Variants in ARB2A observed in about 807,000 individuals in gnomAD.
ARB2A encodes cotranscriptional regulator ARB2A.
chr5:94,079,399 A>G, the ARB2A span, among the ~76,000 whole-genome samples: 4 of 152,166 alleles, frequency 2.6e-5, no homozygotes, highest in Non-Finnish European at 5.9e-5. Context: ...TGTCAGGGGT[A>G]GGCATTTTAT....
the ARB2A span, among the ~76,000 whole-genome samples, chr5:93,880,191 T>C: frequency 1.3e-5 from 2 of 151,968 alleles, no homozygotes; most frequent in Admixed American, 1.3e-4. Flanking sequence ...CTTGATTCAC[T>C]ATATGAGCTG....
the ARB2A span, among the ~76,000 whole-genome samples, chr5:94,104,960 A>G: frequency 3.6e-4 from 55 of 151,988 alleles, no homozygotes; most frequent in East Asian, 0.01. Flanking sequence ...TGTGTTAAAA[A>G]TTTTCAACAA....
the ARB2A span, among the ~76,000 whole-genome samples, chr5:93,914,775 A>T: frequency 2.6e-5 from 4 of 151,908 alleles, no homozygotes; most frequent in African/African-American, 9.7e-5. Flanking sequence ...TATTCTGAAT[A>T]ACTGAGGGTT....
chr5:93,853,031 T>C, the ARB2A span, among the ~76,000 whole-genome samples: 1 of 152,238 alleles, frequency 6.6e-6, no homozygotes, highest in Non-Finnish European at 1.5e-5. Context: ...GCATTGGATC[T>C]ATAAATTACC....
At chr5:93,817,086 A>AC in the ARB2A span, among the ~76,000 whole-genome samples, 8 of 143,750 alleles carry the variant, frequency 5.6e-5, no homozygotes, top group East Asian at 7.8e-4. Context: ...GAATACACAC[A>AC]AACACACACA....
chr5:93,952,145 A>C, the ARB2A span, among the ~76,000 whole-genome samples: 1 of 152,256 alleles, frequency 6.6e-6, no homozygotes, highest in African/African-American at 2.4e-5. Context: ...TAAAATGTAC[A>C]TAGTATCCAA....
the ARB2A span, among the ~76,000 whole-genome samples, chr5:93,679,518 T>C: frequency 1.3e-5 from 2 of 152,120 alleles, no homozygotes; most frequent in Non-Finnish European, 2.9e-5. Flanking sequence ...AAATTAATTT[T>C]TATTTATATA....
the ARB2A span, among the ~76,000 whole-genome samples, chr5:93,888,012 C>G: frequency 4.0e-5 from 6 of 151,772 alleles, no homozygotes; most frequent in Non-Finnish European, 7.4e-5. Context: ...AAACACACAC[C>G]CTTGTCTCCA....
At chr5:93,626,892 T>C in the ARB2A span, among the ~76,000 whole-genome samples, 2 of 152,234 alleles carry the variant, frequency 1.3e-5, no homozygotes, top group African/African-American at 4.8e-5. Flanking sequence ...GATTTCTCTG[T>C]AGCATGTAAT....
At chr5:93,893,816 A>C in the ARB2A span, among the ~76,000 whole-genome samples, 6 of 152,330 alleles carry the variant, frequency 3.9e-5, no homozygotes, top group South Asian at 1.2e-3. Flanking sequence ...AAAATCTTCT[A>C]AACCAGAAAA....
chr5:93,936,465 A>C, the ARB2A span, among the ~76,000 whole-genome samples: 2 of 152,184 alleles, frequency 1.3e-5, no homozygotes, highest in Non-Finnish European at 2.9e-5. Context: ...TGTCTCAAGA[A>C]AAAGTCTGTT....
chr5:93,699,730 A>ACAGGGATGT, the ARB2A span, among the ~76,000 whole-genome samples: 7 of 152,114 alleles, frequency 4.6e-5, no homozygotes, highest in South Asian at 1.5e-3. Context: ...AGTAAAGACA[A>ACAGGGATGT]CAGGGATGTT....
the ARB2A span, among the ~76,000 whole-genome samples, chr5:93,964,059 A>T: frequency 3.9e-5 from 6 of 152,050 alleles, no homozygotes; most frequent in Non-Finnish European, 5.9e-5. Context: ...TAGAAATAAG[A>T]CATATTTTTA....
At chr5:93,850,997 CTTTT>C in the ARB2A span, among the ~76,000 whole-genome samples, 1,430 of 152,134 alleles carry the variant, frequency 9.4e-3, 28 homozygotes, top group African/African-American at 0.033. Flanking sequence ...GGTTCTTCTT[CTTTT>C]TATTTTTTTC....
chr5:93,698,695 CTAATA>C, the ARB2A span, among the ~76,000 whole-genome samples: 1 of 152,156 alleles, frequency 6.6e-6, no homozygotes, highest in South Asian at 2.1e-4. Context: ...GATGAACACT[CTAATA>C]TTTGTGATAT....
At chr5:94,047,062 T>A in the ARB2A span, among the ~76,000 whole-genome samples, 1 of 152,084 alleles carries the variant, frequency 6.6e-6, no homozygotes. Flanking sequence ...CTCTCTCCAA[T>A]TCCTGGGTCT....
the ARB2A span, among the ~76,000 whole-genome samples, chr5:93,768,628 T>C: frequency 6.6e-6 from 1 of 152,020 alleles, no homozygotes; most frequent in Non-Finnish European, 1.5e-5. Context: ...GAGATATATC[T>C]GGAATGCAGT....
chr5:93,791,343 C>T, the ARB2A span, among the ~76,000 whole-genome samples: 3 of 152,172 alleles, frequency 2.0e-5, no homozygotes, highest in Admixed American at 6.5e-5. Flanking sequence ...ATATATAACA[C>T]GATGTTGAAT....
At chr5:93,935,536 G>C in the ARB2A span, among the ~76,000 whole-genome samples, 1 of 152,180 alleles carries the variant, frequency 6.6e-6, no homozygotes, top group African/African-American at 2.4e-5. Context: ...GGGGAATAGA[G>C]AGATATTGAT....
Sources: allele counts gnomAD v4.1 joint callset (sites outside exome capture counted in the v4.1 genomes callset), GRCh38; gene constraint gnomAD v4.1.1; transcripts MANE v1.5; gene names NCBI Gene and HGNC (gene_info 2026-07-23, HGNC 2026-07-21).